THOC2: variants seen among roughly 807,000 people sequenced by gnomAD.
THOC2 encodes THO complex subunit 2.
THOC2 carries 10 observed loss-of-function variants against 128.4 expected under a neutral mutation model. The ratio of observed to expected loss-of-function variants is 0.08; its 90% CI spans 0.05 to 0.13. The LOEUF (loss-of-function observed/expected upper bound fraction) is 0.13. Ranked by LOEUF, THOC2 falls within the 10% of genes least tolerant of loss-of-function variation. THOC2 has a pLI of 1.00. For synonymous variants in THOC2, 393 were observed against 396.9 expected (o/e 0.99, Z 0.12); for missense variants, 535 against 1,155.7 (o/e 0.46, Z 7.79).
intron 38 of THOC2, among the ~76,000 whole-genome samples, chrX:123,609,816 G>C (rs1282181194): frequency 9.0e-6 from 1 of 110,735 alleles, no homozygotes; most frequent in Non-Finnish European, 1.9e-5. Flanking sequence ...GGATCACGAG[G>C]TCAAGAGTTC....
At chrX:123,653,251 C>T (rs74947824) in intron 12 of THOC2, among the ~76,000 whole-genome samples, 1 of 111,994 alleles carries the variant, frequency 8.9e-6, no homozygotes, top group African/African-American at 3.3e-5. Flanking sequence ...CCCTTCCTTA[C>T]ACCATATACA....
intron 4 of THOC2, among the ~76,000 whole-genome samples, chrX:123,698,010 G>A (rs191152906): frequency 2.4e-4 from 26 of 107,945 alleles, no homozygotes; most frequent in Non-Finnish European, 1.1e-4. Flanking sequence ...GGCACTGGAA[G>A]CAACAAAGCT....
chrX:123,624,211 C>T lies in THOC2; in HGVS notation c.3187-20G>A, dbSNP rs754106681. On this transcript the variant is annotated intron_variant, in intron 26 of 38. Transcript: ENST00000245838. Reference sequence around the variant, plus strand: ...ACATTCCTAAGGAAACAATGTTTGTCACTTTTAAAGAAAAATTATGATCCA... The same window carrying T: ...ACATTCCTAAGGAAACAATGTTTGTTACTTTTAAAGAAAAATTATGATCCA... 8.6e-7 allele frequency: 1 copy of T among 1,156,513 alleles called. No individual in the cohort carries two copies. Among genetic ancestry groups the T allele is most frequent in the Admixed American group, 2.9e-5 (1 of 34,027 alleles).
At chrX:123,694,249 G>A (rs371798740) in intron 7 of THOC2, among the ~76,000 whole-genome samples, 2 of 111,036 alleles carry the variant, frequency 1.8e-5, no homozygotes, top group African/African-American at 6.5e-5. Flanking sequence ...CAAACTTATA[G>A]CAAAGCAGTA....
Position 123,613,981 on chromosome X carries a change from A to C in THOC2, c.4449+71T>G, listed in dbSNP as rs1038157049. Reference sequence around the variant, plus strand: ...ACTATGGAACAAACTAGTATTTTTTAAAAGGCAACATACACACTGGTGTAC... The same window carrying C: ...ACTATGGAACAAACTAGTATTTTTTCAAAGGCAACATACACACTGGTGTAC... On this transcript the variant is annotated intron_variant, in intron 34 of 38. Transcript: ENST00000245838. 3.0e-6 allele frequency: 3 copies of C among 1,011,542 alleles called. No homozygotes were observed. In the Admixed American group the frequency reaches 8.6e-5, roughly 29 times the overall value. 83.4% of individuals were successfully genotyped at this position (1,011,542 alleles called of 1,213,427 possible). A position where few individuals can be genotyped will look rare whatever the true frequency, so the allele number is the denominator to read the frequency against.
At chrX:123,722,954 G>A (rs1342119085) in intron 1 of THOC2, among the ~76,000 whole-genome samples, 4 of 111,621 alleles carry the variant, frequency 3.6e-5, no homozygotes, top group Middle Eastern at 4.6e-3. Context: ...CAAGGCGGGC[G>A]GATCATCGGA....
intron 15 of THOC2, among the ~76,000 whole-genome samples, chrX:123,642,984 A>G (rs968024981): frequency 3.6e-5 from 4 of 111,682 alleles, no homozygotes; most frequent in Non-Finnish European, 5.6e-5. Context: ...AGGTATGATA[A>G]CATTATATGC....
intron 1 of THOC2, among the ~76,000 whole-genome samples, chrX:123,719,410 A>G (rs973846622): frequency 3.6e-5 from 4 of 109,752 alleles, no homozygotes; most frequent in Non-Finnish European, 7.6e-5. Flanking sequence ...ATAAAAGGGA[A>G]CTCTTGCCAA....
intron 12 of THOC2, among the ~76,000 whole-genome samples, chrX:123,656,330 TAA>T (rs758091588): frequency 8.4e-4 from 32 of 37,951 alleles, no homozygotes; most frequent in Middle Eastern, 0.024. Flanking sequence ...AGACTCCGTC[TAA>T]AAAAAAAAAA....
intron 8 of THOC2, among the ~76,000 whole-genome samples, chrX:123,674,053 T>G (rs190384825): frequency 1.8e-5 from 2 of 112,232 alleles, no homozygotes; most frequent in South Asian, 3.7e-4. Context: ...GAGAAGAATG[T>G]AGATTCTGTT....
intron 10 of THOC2, 67 bp from the exon 11 acceptor site, chrX:123,667,345 A>T: frequency 1.3e-6 from 1 of 789,885 alleles, no homozygotes; most frequent in Non-Finnish European, 1.8e-6. Context: ...ATACTTTGTC[A>T]CTTAAAAAAC....
chrX:123,629,145 T>A (rs1472036538), intron 22 of THOC2, among the ~76,000 whole-genome samples: 1 of 104,864 alleles, frequency 9.5e-6, no homozygotes, highest in African/African-American at 3.5e-5. Flanking sequence ...ATATATATAT[T>A]TTTTCTATAT....
intron 12 of THOC2, among the ~76,000 whole-genome samples, chrX:123,647,655 GA>G (rs1401252132): frequency 9.1e-6 from 1 of 109,357 alleles, no homozygotes; most frequent in Non-Finnish European, 1.9e-5. Context: ...CCAACATGGT[GA>G]AACCCCATCT....
intron 12 of THOC2, among the ~76,000 whole-genome samples, chrX:123,656,353 AG>A (rs2048581441): frequency 1.1e-5 from 1 of 93,115 alleles, no homozygotes; most frequent in Non-Finnish European, 2.1e-5. Flanking sequence ...AAAAAAAAAA[AG>A]AGAGAGAGAG....
intron 8 of THOC2, among the ~76,000 whole-genome samples, chrX:123,682,268 GAAAC>G (rs1461514724): frequency 8.9e-6 from 1 of 112,072 alleles, no homozygotes; most frequent in African/African-American, 3.2e-5. Flanking sequence ...AAATGAGAGA[GAAAC>G]AAAATGTAAA....
At chrX:123,672,848 A>C (rs1488286088) in intron 8 of THOC2, among the ~76,000 whole-genome samples, 1 of 112,596 alleles carries the variant, frequency 8.9e-6, no homozygotes, top group Non-Finnish European at 1.9e-5. Context: ...AAACAGTAAC[A>C]ATACACTATG....
intron 3 of THOC2, among the ~76,000 whole-genome samples, chrX:123,703,725 CAA>C (rs761049104): frequency 0.13 from 3,899 of 29,442 alleles, 147 homozygotes; most frequent in Non-Finnish European, 0.18. Flanking sequence ...CCATCTCTAC[CAA>C]AAAAAAAAAA....
At chrX:123,618,859 T>C (rs1247733497) in intron 33 of THOC2, among the ~76,000 whole-genome samples, 1 of 111,653 alleles carries the variant, frequency 9.0e-6, no homozygotes, top group Non-Finnish European at 1.9e-5. Flanking sequence ...AGGGGAATGA[T>C]TCTTTCACAT....
chrX:123,630,312 C>T (rs992208728), intron 22 of THOC2, among the ~76,000 whole-genome samples: 4 of 111,443 alleles, frequency 3.6e-5, no homozygotes, highest in Admixed American at 2.9e-4. Flanking sequence ...TCAAAAATCT[C>T]GTCTCAAGAA....
Sources: allele counts gnomAD v4.1 joint callset (sites outside exome capture counted in the v4.1 genomes callset), GRCh38; gene constraint gnomAD v4.1.1; transcripts MANE v1.5; gene names NCBI Gene and HGNC (gene_info 2026-07-23, HGNC 2026-07-21).